The following USP10 variants were observed in gnomAD, a reference collection of about 807,000 sequenced individuals.
USP10 encodes the protein ubiquitin specific peptidase 10.
USP10 carries 22 observed loss-of-function variants against 84.5 expected under a neutral mutation model. The ratio of observed to expected loss-of-function variants is 0.26; its 90% confidence interval spans 0.19 to 0.37. The LOEUF is 0.37. USP10 is among the 10% of genes least tolerant of loss of function. USP10 has a pLI of 1.00. For synonymous variants in USP10, 454 were observed against 387.6 expected (o/e 1.17, Z -2.01); for missense variants, 1,019 against 998.9 (o/e 1.02, Z -0.27).
At chr16:84,744,275 T>C (rs950228790) in intron 3 of USP10, among the ~76,000 whole-genome samples, 8 of 152,174 alleles carry the variant, frequency 5.3e-5, no homozygotes, top group African/African-American at 1.2e-4. Flanking sequence ...AAATACATAT[T>C]CCTTTATCTC....
intron 4 of USP10, among the ~76,000 whole-genome samples, chr16:84,746,303 C>T (rs748660779): frequency 1.1e-4 from 17 of 152,168 alleles, no homozygotes; most frequent in Non-Finnish European, 1.6e-4. Context: ...AGTAGGAAGT[C>T]AGAAATGCAG....
At chr16:84,717,245 T>A (rs1020986778) in intron 1 of USP10, among the ~76,000 whole-genome samples, 2 of 151,838 alleles carry the variant, frequency 1.3e-5, no homozygotes, top group Non-Finnish European at 2.9e-5. Context: ...TGTACATGCA[T>A]TCTTTAGGGG....
intron 3 of USP10, among the ~76,000 whole-genome samples, chr16:84,740,794 A>G (rs1010594363): frequency 6.6e-6 from 1 of 152,234 alleles, no homozygotes; most frequent in African/African-American, 2.4e-5. Context: ...TGCAGTTCAC[A>G]TTCATGTCCT....
intron 7 of USP10, 51 bp from the exon 8 acceptor site, chr16:84,760,121 A>G: frequency 6.4e-7 from 1 of 1,561,738 alleles, no homozygotes; most frequent in Non-Finnish European, 8.7e-7. Flanking sequence ...TTTTTTCATC[A>G]TTTATGAGTT....
At chr16:84,705,002 T>C (rs1339076572) in intron 1 of USP10, 11 of 1,225,750 alleles carry the variant, frequency 9.0e-6, no homozygotes, top group Non-Finnish European at 1.1e-5. Context: ...TGCGCTGTAA[T>C]GGTGGCTGCT....
intron 1 of USP10, among the ~76,000 whole-genome samples, chr16:84,705,999 G>A (rs2150753938): frequency 6.6e-6 from 1 of 152,248 alleles, no homozygotes; most frequent in Non-Finnish European, 1.5e-5. Flanking sequence ...TGGGATTACA[G>A]GCATGAGCCA....
At chr16:84,744,496 C>T (rs879703406) in intron 3 of USP10, 137 bp from the exon 4 acceptor site, 9 of 743,086 alleles carry the variant, frequency 1.2e-5, no homozygotes, top group South Asian at 1.0e-4. Context: ...AATTGTTCAG[C>T]GTAAGTAAAG....
chr16:84,732,421 C>T (rs1263762288), intron 1 of USP10: 6 of 398,238 alleles, frequency 1.5e-5, no homozygotes, highest in African/African-American at 1.3e-4. Context: ...ATTGCTAATT[C>T]TTCTCAATGA....
rs149372403 is a variant in USP10, at chr16:84,730,151, A to G, written c.22-3284A>G. 7.3e-3 allele frequency among the ~76,000 whole-genome samples: 1,117 copies of G among 152,278 alleles called. 13 individuals carry two copies. The highest frequency in any genetic ancestry group is 0.025 in the African/African-American group (1,050 of 41,552). ...GTCCACTCAGCGTCCACTCAGTGCT[A>G]CTGTCCCAAAGGTGAAGGGCCACAT... On this transcript the variant is annotated intron_variant, in intron 1 of 13. Transcript: ENST00000219473.
At chr16:84,759,980 A>G (rs772753646) in intron 7 of USP10, 34 bp downstream of exon 7, 6 of 1,609,738 alleles carry the variant, frequency 3.7e-6, no homozygotes, top group African/African-American at 2.7e-5. Flanking sequence ...ATGCTATTAC[A>G]TATTGGGAGT....
At chr16:84,767,933 C>T (rs1415567659) in intron 10 of USP10, among the ~76,000 whole-genome samples, 3 of 152,106 alleles carry the variant, frequency 2.0e-5, no homozygotes, top group Non-Finnish European at 4.4e-5. Context: ...CGGCCTTCCG[C>T]AGTGTTTGTG....
intron 13 of USP10, among the ~76,000 whole-genome samples, chr16:84,775,641 A>G (rs1419587121): frequency 1.3e-5 from 2 of 152,004 alleles, no homozygotes; most frequent in African/African-American, 4.8e-5. Flanking sequence ...GTCCTCCCCC[A>G]CAGGTATTGT....
At chr16:84,738,148 A>T (rs1364516481) in intron 2 of USP10, among the ~76,000 whole-genome samples, 4 of 152,136 alleles carry the variant, frequency 2.6e-5, no homozygotes, top group African/African-American at 7.2e-5. Context: ...GCGTCTTCCC[A>T]GCCTGCTGCA....
intron 1 of USP10, among the ~76,000 whole-genome samples, chr16:84,708,176 G>A (rs754237676): frequency 1.7e-4 from 25 of 151,244 alleles, no homozygotes; most frequent in Admixed American, 4.6e-4. Flanking sequence ...CTGGCTGGGC[G>A]TGGTGGCTCA....
intron 1 of USP10, among the ~76,000 whole-genome samples, chr16:84,712,252 C>A (rs1164402073): frequency 6.6e-6 from 1 of 152,176 alleles, no homozygotes; most frequent in Non-Finnish European, 1.5e-5. Context: ...TGTACAGAGG[C>A]CCTTGTGGTC....
intron 1 of USP10, among the ~76,000 whole-genome samples, chr16:84,731,719 T>C (rs181454421): frequency 3.3e-5 from 5 of 152,326 alleles, no homozygotes; most frequent in South Asian, 2.1e-4. Context: ...TTTTTTAATT[T>C]AGTGATTTAA....
intron 1 of USP10, among the ~76,000 whole-genome samples, chr16:84,721,272 G>C (rs754786062): frequency 1.3e-5 from 2 of 152,188 alleles, no homozygotes; most frequent in Non-Finnish European, 2.9e-5. Context: ...AAATCCCAGA[G>C]TGTGGATGCC....
At chr16:84,730,547 C>T (rs1209890282) in intron 1 of USP10, among the ~76,000 whole-genome samples, 1 of 152,172 alleles carries the variant, frequency 6.6e-6, no homozygotes, top group African/African-American at 2.4e-5. Context: ...TGAACCGTTT[C>T]TGAGCGTTCC....
At chr16:84,747,318 C>G (rs1252695368) in intron 4 of USP10, among the ~76,000 whole-genome samples, 1 of 152,172 alleles carries the variant, frequency 6.6e-6, no homozygotes. Context: ...TAGCAGCAAG[C>G]TGCCAAATGC....
Sources: gnomAD v4.1 joint callset for allele counts (sites outside exome capture counted in the v4.1 genomes callset) on GRCh38, gnomAD v4.1.1 for gene constraint, MANE v1.5 for transcripts, NCBI Gene and HGNC (gene_info 2026-07-23, HGNC 2026-07-21) for gene names.